PRKCA: variants seen among roughly 807,000 people sequenced by gnomAD.
PRKCA encodes protein kinase C alpha, also known as protein kinase C alpha type.
A neutral mutation model predicts 87.0 loss-of-function variants in PRKCA; 27 were observed. The ratio of observed to expected loss-of-function variants is 0.31; its 90% CI spans 0.23 to 0.43. PRKCA has a LOEUF of 0.43. Ranked by LOEUF, PRKCA falls within the 20% of genes least tolerant of loss-of-function variation. The pLI is 1.00. For synonymous variants in PRKCA, 329 were observed against 311.1 expected (o/e 1.06, Z -0.61); for missense variants, 518 against 852.3 (o/e 0.61, Z 4.88).
At chr17:66,403,616 T>A (rs1911167176) in intron 2 of PRKCA, 1 of 152,224 alleles carries the variant, frequency 6.6e-6, no homozygotes, top group Non-Finnish European at 1.5e-5. Flanking sequence ...TATGAATACC[T>A]AGCTCCCTGC....
At chr17:66,631,136 GAT>G (rs767184350) in intron 3 of PRKCA, among the ~76,000 whole-genome samples, 20 of 152,200 alleles carry the variant, frequency 1.3e-4, no homozygotes, top group Non-Finnish European at 2.6e-4. Flanking sequence ...TGAAAAGTGA[GAT>G]AAATTTTTGT....
rs1020758806 is a variant in PRKCA at position 66,710,283 on chromosome 17, G to A, written c.918+21236G>A. 6.1e-4 allele frequency among the ~76,000 whole-genome samples: 93 copies of A among 152,118 alleles called. 1 individual carries two copies. Among genetic ancestry groups the A allele is most frequent in the African/African-American group, 2.1e-3 (88 of 41,492 alleles). On this transcript the variant is annotated intron_variant, in intron 8 of 16. Transcript: ENST00000413366. ...CCTGACCCTGGTGCTGTGTCTCGGG[G>A]TCACCGTCTGTCTGCTGTGCCTGCC...
intron 2 of PRKCA, among the ~76,000 whole-genome samples, chr17:66,382,513 C>T (rs1239576408): frequency 1.3e-5 from 2 of 152,146 alleles, no homozygotes; most frequent in Non-Finnish European, 2.9e-5. Context: ...GTCAGCCAGG[C>T]TGGTCTTGAA....
chr17:66,602,994 A>G (rs1413004948), intron 3 of PRKCA, among the ~76,000 whole-genome samples: 1 of 152,172 alleles, frequency 6.6e-6, no homozygotes, highest in African/African-American at 2.4e-5. Flanking sequence ...TTCTTCACCC[A>G]ATAAACCCTG....
chr17:66,537,578 T>A (rs1227671044), intron 3 of PRKCA, among the ~76,000 whole-genome samples: 1 of 152,234 alleles, frequency 6.6e-6, no homozygotes, highest in Non-Finnish European at 1.5e-5. Context: ...TCAGAGCATG[T>A]CATAAGAAAA....
At chr17:66,786,306 G>A (rs1385149850) in intron 14 of PRKCA, among the ~76,000 whole-genome samples, 1 of 152,200 alleles carries the variant, frequency 6.6e-6, no homozygotes, top group African/African-American at 2.4e-5. Flanking sequence ...GGATGAGGGA[G>A]GAGTCCAATG....
chr17:66,537,350 T>C (rs1303795357), intron 3 of PRKCA, among the ~76,000 whole-genome samples: 1 of 152,228 alleles, frequency 6.6e-6, no homozygotes, highest in African/African-American at 2.4e-5. Flanking sequence ...AAATGAACTC[T>C]AACCTTATGA....
chr17:66,755,808 G>A (rs529420661), intron 13 of PRKCA, among the ~76,000 whole-genome samples: 89 of 152,254 alleles, frequency 5.8e-4, no homozygotes, highest in Non-Finnish European at 1.1e-3. Context: ...CGCCTCCCAC[G>A]TGGGAGACCT....
chr17:66,776,679 CACTTGGAAGAGGGCCAAGCCGGCG>C (rs1180563995), intron 14 of PRKCA, among the ~76,000 whole-genome samples: 5 of 152,158 alleles, frequency 3.3e-5, no homozygotes, highest in African/African-American at 1.2e-4. Flanking sequence ...AAGTAAAGTA[CACTTGGAAGAGGGCCAAGCCGGCG>C]ACTTGAGAGA....
intron 2 of PRKCA, among the ~76,000 whole-genome samples, chr17:66,446,512 T>C (rs1321244412): frequency 3.3e-5 from 5 of 152,208 alleles, no homozygotes; most frequent in African/African-American, 1.2e-4. Context: ...GGGGCTTGTT[T>C]TTCATAAGCA....
chr17:66,658,546 G>A (rs943279580), intron 5 of PRKCA, among the ~76,000 whole-genome samples: 4 of 152,140 alleles, frequency 2.6e-5, no homozygotes, highest in East Asian at 1.9e-4. Context: ...TCTTCACCTC[G>A]TCCTTCCTAC....
chr17:66,694,620 T>C (rs1211941352), intron 8 of PRKCA, among the ~76,000 whole-genome samples: 1 of 152,020 alleles, frequency 6.6e-6, no homozygotes, highest in Non-Finnish European at 1.5e-5. Context: ...TCACAGTTGA[T>C]TGACTACTGA....
chr17:66,477,480 A>G lies in PRKCA; in HGVS notation c.206-18721A>G, dbSNP rs1598705297. Among the ~76,000 whole-genome samples the G allele has an allele frequency of 1.3e-5, 2 of 152,024 alleles. 1 individual carries two copies. The highest frequency in any genetic ancestry group is 4.8e-5 in the African/African-American group (2 of 41,388). On this transcript the variant is annotated intron_variant, in intron 2 of 16. Coordinates refer to ENST00000413366, the MANE Select transcript of PRKCA (RefSeq NM_002737.3). ...TTTGGGAGACTGAGGCGGGCGGACC[A>G]CCTGAAGTCAGGAGTTTGAGACAAG...
intron 3 of PRKCA, among the ~76,000 whole-genome samples, chr17:66,540,895 C>T (rs564437740): frequency 1.6e-4 from 25 of 152,302 alleles, no homozygotes; most frequent in African/African-American, 6.0e-4. Flanking sequence ...CTCCCTGAGC[C>T]TCCCTTTTCT....
chr17:66,720,433 T>G (rs776079316), intron 8 of PRKCA, among the ~76,000 whole-genome samples: 1 of 152,212 alleles, frequency 6.6e-6, no homozygotes, highest in Admixed American at 6.5e-5. Context: ...AGATAATAGA[T>G]ATCATGACTT....
At position 66,808,322 on chromosome 17, in the gene PRKCA, G is replaced by GATTTT. The variant is rs10650691; in HGVS notation, c.*4285_*4286insATTTT. 1 of 131,264 alleles carries GATTTT rather than the reference G, an allele frequency of 7.6e-6. No homozygotes were observed. Among genetic ancestry groups the GATTTT allele is most frequent in the Non-Finnish European group, 1.6e-5 (1 of 63,298 alleles). The allele number at this position is 131,264 out of a possible 1,614,324, so 8.1% of individuals were successfully genotyped here. On this transcript the variant is annotated 3_prime_UTR_variant, in exon 17 of 17. Coordinates refer to ENST00000413366, the MANE Select transcript of PRKCA (RefSeq NM_002737.3). ...GAGGGTTTTTTTTGTTTTTGTTCCT[G>GATTTT]TTTTTTTTTTTTTTGCTGGAATTTG...
At chr17:66,490,400 A>G (rs2144089495) in intron 2 of PRKCA, among the ~76,000 whole-genome samples, 1 of 149,964 alleles carries the variant, frequency 6.7e-6, no homozygotes, top group African/African-American at 2.5e-5. Context: ...CTGGAGTGCA[A>G]TGGCAGGATC....
At chr17:66,614,362 A>C (rs17759657) in intron 3 of PRKCA, among the ~76,000 whole-genome samples, 7,144 of 152,286 alleles carry the variant, frequency 0.047, 224 homozygotes, top group Admixed American at 0.075. Flanking sequence ...ATGGAAATTG[A>C]TATTTTTGAG....
At chr17:66,369,839 T>G (rs1908989227) in intron 2 of PRKCA, among the ~76,000 whole-genome samples, 1 of 152,196 alleles carries the variant, frequency 6.6e-6, no homozygotes, top group African/African-American at 2.4e-5. Context: ...CCAAGTGTCC[T>G]TCCTTCCCTC....
Sources: gnomAD v4.1 joint callset for allele counts (sites outside exome capture counted in the v4.1 genomes callset) on GRCh38, gnomAD v4.1.1 for gene constraint, MANE v1.5 for transcripts, NCBI Gene and HGNC (gene_info 2026-07-23, HGNC 2026-07-21) for gene names.